The following DPYSL2 variants were observed in gnomAD, a reference collection of about 807,000 sequenced individuals.
DPYSL2 encodes the protein dihydropyrimidinase-related protein 2.
In DPYSL2, 13 loss-of-function variants were observed where a neutral mutation model predicts 69.9. That is an observed-to-expected ratio of 0.19 (90% CI 0.12 to 0.30). The LOEUF (loss-of-function observed/expected upper bound fraction) is 0.30. Ranked by LOEUF, DPYSL2 falls within the 10% of genes least tolerant of loss-of-function variation. DPYSL2 has a pLI of 1.00. For synonymous variants in DPYSL2, 326 were observed against 359.1 expected, an observed-to-expected ratio of 0.91 and a Z score of 1.04; for missense variants, 587 against 918.9, an observed-to-expected ratio of 0.64 and a Z score of 4.67.
In DPYSL2 at chr8:26,581,821, G is replaced by T. The variant is rs980708410; in HGVS notation, c.355-148G>T. 1.2e-5 allele frequency: 8 copies of T among 646,242 alleles called. No homozygotes were observed. In the African/African-American group the frequency reaches 1.4e-4, roughly 12 times the overall value. 40.0% of individuals were successfully genotyped at this position (646,242 alleles called of 1,614,324 possible). On this transcript the variant is annotated intron_variant, in intron 1 of 13. Coordinates refer to ENST00000521913, the MANE Select transcript of DPYSL2 (RefSeq NM_001197293.3). The stretch of plus-strand genomic sequence containing the variant: ...GTGATGAATAGGTTGCCACATACAG[G>T]CTTACCTTTGTCACTGAACCTTTCC...
At chr8:26,599,468 GCTT>G (rs949432239) in intron 3 of DPYSL2, among the ~76,000 whole-genome samples, 2 of 151,930 alleles carry the variant, frequency 1.3e-5, no homozygotes, top group African/African-American at 4.8e-5. Flanking sequence ...CACTATTCTT[GCTT>G]CTTCTTAGAA....
In DPYSL2 at chr8:26,587,465, G is replaced by C. The variant is rs1266762523; in HGVS notation, c.628+3482G>C. Among the ~76,000 whole-genome samples the C allele has an allele frequency of 2.0e-5, 3 of 152,132 alleles. No homozygotes were observed. The highest frequency in any genetic ancestry group is 2.0e-4 in the Admixed American group (3 of 15,278). On this transcript the variant is annotated intron_variant, in intron 3 of 13. Transcript: ENST00000521913. The surrounding 1 kb of genome is among the most constrained non-coding windows in gnomAD (Gnocchi z 4.2). Reference sequence around the variant, plus strand: ...TAAATCCTCGCCTGCCTCCCTGCTGGCTCTGCGTTTCCCAGGTCACAGGCC... The same window carrying C: ...TAAATCCTCGCCTGCCTCCCTGCTGCCTCTGCGTTTCCCAGGTCACAGGCC...
At chr8:26,541,116 A>G (rs771777704) in intron 1 of DPYSL2, among the ~76,000 whole-genome samples, 2 of 152,166 alleles carry the variant, frequency 1.3e-5, no homozygotes, top group Non-Finnish European at 2.9e-5. Context: ...CAAGTTGTCG[A>G]AAGTTAAGGA....
chr8:26,590,417 T>C (rs1037390521), intron 3 of DPYSL2, among the ~76,000 whole-genome samples: 2 of 152,162 alleles, frequency 1.3e-5, no homozygotes, highest in Non-Finnish European at 2.9e-5. Context: ...CAGGTGTCAC[T>C]GCGTGAATCT....
chr8:26,623,021 T>G (rs1381534008), intron 3 of DPYSL2, among the ~76,000 whole-genome samples: 1 of 152,218 alleles, frequency 6.6e-6, no homozygotes, highest in Non-Finnish European at 1.5e-5. Flanking sequence ...ACAAATCATT[T>G]CAGTTTGTAT....
intron 7 of DPYSL2, among the ~76,000 whole-genome samples, chr8:26,632,920 C>G (rs973861840): frequency 3.9e-5 from 6 of 152,202 alleles, no homozygotes; most frequent in Non-Finnish European, 8.8e-5. Context: ...CTAGACATCC[C>G]TTTTCACATA....
intron 1 of DPYSL2, among the ~76,000 whole-genome samples, chr8:26,537,887 T>C (rs1406504281): frequency 1.3e-5 from 2 of 152,224 alleles, no homozygotes; most frequent in African/African-American, 4.8e-5. Flanking sequence ...TTACTTGTCG[T>C]GTATTTTTTC....
chr8:26,561,354 C>G (rs544189253), intron 1 of DPYSL2, among the ~76,000 whole-genome samples: 4 of 152,302 alleles, frequency 2.6e-5, no homozygotes, highest in African/African-American at 9.6e-5. Context: ...ACCTCCTCCT[C>G]AGCTGGTGTC....
rs59000118 is a variant in DPYSL2 at position 26,514,851 on chromosome 8, C to T, written c.354+172C>T. Among the ~76,000 whole-genome samples, 4,265 of 152,180 alleles carry T rather than the reference C, an allele frequency of 0.028. 214 individuals are homozygous for T. The highest frequency in any genetic ancestry group is 0.096 in the African/African-American group (3,980 of 41,522). On this transcript the variant is annotated intron_variant, in intron 1 of 13. Coordinates refer to ENST00000521913, the MANE Select transcript of DPYSL2 (RefSeq NM_001197293.3). This position sits in a 1 kb window ranked among gnomAD's most constrained non-coding sequence, Gnocchi z 8.4. ...TCTCCGCGCAGGGTGCGGCGAGGCTCGGGCTGGGCGGTGGGCGGCCGTGCG... is the reference window on the plus strand; with the variant it reads ...TCTCCGCGCAGGGTGCGGCGAGGCTTGGGCTGGGCGGTGGGCGGCCGTGCG...
At chr8:26,567,280 C>CCCATCCATCCATCCATCCATCCATCCAT (rs143811544) in intron 1 of DPYSL2, among the ~76,000 whole-genome samples, 3 of 149,294 alleles carry the variant, frequency 2.0e-5, no homozygotes, top group South Asian at 2.1e-4. Context: ...TATCCACCTA[C>CCCATCCATCCATCCATCCATCCATCCAT]CCATCCATCC....
rs1262224909 is a variant in DPYSL2, at chr8:26,609,101, G to A, written c.629-15042G>A. Reference sequence around the variant, plus strand: ...TTGCTGACGAGCACCCTGTGTACACGCTAGTTTTTATTTGAACGAGGTGCT... The same window carrying A: ...TTGCTGACGAGCACCCTGTGTACACACTAGTTTTTATTTGAACGAGGTGCT... On this transcript the variant is annotated intron_variant, in intron 3 of 13. Transcript: ENST00000521913. This position sits in a 1 kb window ranked among gnomAD's most constrained non-coding sequence, Gnocchi z 6.5. 3.9e-5 allele frequency among the ~76,000 whole-genome samples: 6 copies of A among 152,164 alleles called. No individual in the cohort carries two copies. Among genetic ancestry groups the A allele is most frequent in the Non-Finnish European group, 7.4e-5 (5 of 68,020 alleles).
intron 1 of DPYSL2, among the ~76,000 whole-genome samples, chr8:26,527,055 G>T (rs1000339526): frequency 6.6e-6 from 1 of 152,246 alleles, no homozygotes; most frequent in Non-Finnish European, 1.5e-5. Context: ...TTGGCATTTT[G>T]TGGCTTGAGC....
rs533332026 is a variant in DPYSL2 at position 26,593,222 on chromosome 8, A to G, written c.628+9239A>G. On this transcript the variant is annotated intron_variant, in intron 3 of 13. Transcript: ENST00000521913. This position sits in a 1 kb window ranked among gnomAD's most constrained non-coding sequence, Gnocchi z 5.7. ...GCTGTCCAGTTAAGAGAATTTTGCA[A>G]TGAACTAGGGCAGTGGTTTAAAAAC... 6.6e-6 allele frequency among the ~76,000 whole-genome samples: 1 copy of G among 152,204 alleles called. No homozygotes were observed. Among genetic ancestry groups the G allele is most frequent in the Admixed American group, 6.5e-5 (1 of 15,288 alleles).
intron 3 of DPYSL2, among the ~76,000 whole-genome samples, chr8:26,602,335 G>T: frequency 6.6e-6 from 1 of 151,334 alleles, no homozygotes. Context: ...GATCTCTCTC[G>T]TCCTCCTAAA....
chr8:26,600,512 C>T (rs141126989), intron 3 of DPYSL2, among the ~76,000 whole-genome samples: 2 of 152,262 alleles, frequency 1.3e-5, no homozygotes, highest in South Asian at 2.1e-4. Context: ...GGTGCTGTGT[C>T]ATTGTGGCTT....
chr8:26,604,185 C>T (rs11775497), intron 3 of DPYSL2, among the ~76,000 whole-genome samples: 35,042 of 152,178 alleles, frequency 0.23, 4,336 homozygotes, highest in African/African-American at 0.3. Context: ...AAAGTGAACC[C>T]TTTAAAGCAA....
At chr8:26,631,294 T>C (rs34151191) in intron 7 of DPYSL2, among the ~76,000 whole-genome samples, 20,646 of 152,202 alleles carry the variant, frequency 0.14, 1,628 homozygotes, top group Non-Finnish European at 0.18. Context: ...AGGAAACTTA[T>C]AATCATGGTG....
At chr8:26,632,060 T>C (rs943623966) in intron 7 of DPYSL2, among the ~76,000 whole-genome samples, 1 of 152,192 alleles carries the variant, frequency 6.6e-6, no homozygotes, top group African/African-American at 2.4e-5. Context: ...TTCTCTTGGA[T>C]TTGAACTTTC....
At chr8:26,532,442 T>G (rs890209599) in intron 1 of DPYSL2, among the ~76,000 whole-genome samples, 6 of 152,204 alleles carry the variant, frequency 3.9e-5, no homozygotes, top group Non-Finnish European at 8.8e-5. Context: ...TTTAGGATAT[T>G]CACAAGATGT....
Sources: gnomAD v4.1 joint callset for allele counts (sites outside exome capture counted in the v4.1 genomes callset) on GRCh38, gnomAD v4.1.1 for gene constraint, Gnocchi (gnomAD v3.1) non-coding constraint, MANE v1.5 for transcripts, NCBI Gene and HGNC (gene_info 2026-07-23, HGNC 2026-07-21) for gene names.